Variants in CACNA1C observed in about 807,000 individuals in gnomAD.
The protein encoded by CACNA1C is calcium voltage-gated channel subunit alpha1 C, also known as voltage-dependent L-type calcium channel subunit alpha-1C.
CACNA1C carries 30 observed loss-of-function variants against 229.0 expected under a neutral mutation model. The ratio of observed to expected loss-of-function variants is 0.13; its 90% CI spans 0.10 to 0.18. The LOEUF (loss-of-function observed/expected upper bound fraction) is 0.18. Among genes scored for constraint, CACNA1C ranks in the 10% least tolerant of loss-of-function variants. CACNA1C has a pLI of 1.00. For synonymous variants in CACNA1C, 1,114 were observed against 1,132.5 expected, an observed-to-expected ratio of 0.98 and a Z score of 0.33; for missense variants, 1,658 against 2,845.0, an observed-to-expected ratio of 0.58 and a Z score of 9.49.
rs115125786 is a variant in CACNA1C at position 2,690,820 on chromosome 12, G to A, written c.6118-80G>A. The A allele has an allele frequency of 4.6e-5, 63 of 1,374,210 alleles. No individual in the cohort carries two copies. In the African/African-American group the frequency reaches 6.7e-4, roughly 15 times the overall value. 85.1% of individuals were successfully genotyped at this position (1,374,210 alleles called of 1,614,324 possible). A position where few individuals can be genotyped will look rare whatever the true frequency, so the allele number is the denominator to read the frequency against. On this transcript the variant is annotated intron_variant, in intron 46 of 46. Coordinates refer to ENST00000399655, the MANE Select transcript of CACNA1C (RefSeq NM_000719.7). ...CAAGTGACCTACCAGATACCCCCTC[G>A]CTCTAGCCCTCAAGGGAAGAGCTGG...
intron 3 of CACNA1C, among the ~76,000 whole-genome samples, chr12:2,365,706 G>A (rs1203456336): frequency 6.6e-6 from 1 of 152,200 alleles, no homozygotes; most frequent in Non-Finnish European, 1.5e-5. Flanking sequence ...AATTTAACAT[G>A]ACAGGAGACC....
chr12:2,581,866 G>A, intron 14 of CACNA1C, 69 bp downstream of exon 14: 2 of 971,296 alleles, frequency 2.1e-6, no homozygotes, highest in Non-Finnish European at 3.2e-6. Flanking sequence ...GAGGAGTGTG[G>A]GAAGCTGCAC....
At chr12:2,254,284 G>A (rs1298074515) in intron 3 of CACNA1C, among the ~76,000 whole-genome samples, 1 of 152,044 alleles carries the variant, frequency 6.6e-6, no homozygotes, top group Non-Finnish European at 1.5e-5. Flanking sequence ...AGCCTCAAAC[G>A]ACCCCAGACT....
intron 3 of CACNA1C, among the ~76,000 whole-genome samples, chr12:2,256,309 C>A (rs1446126077): frequency 6.6e-6 from 1 of 152,158 alleles, no homozygotes; most frequent in South Asian, 2.1e-4. Context: ...TAATCAGTCA[C>A]CTTGGGCACA....
At chr12:2,413,295 G>C (rs563985153) in intron 3 of CACNA1C, among the ~76,000 whole-genome samples, 2 of 152,346 alleles carry the variant, frequency 1.3e-5, no homozygotes, top group East Asian at 3.9e-4. Flanking sequence ...GGGATTACAG[G>C]CGTGAGCCAC....
chr12:2,429,814 T>G (rs1458775224), intron 3 of CACNA1C, among the ~76,000 whole-genome samples: 1 of 152,178 alleles, frequency 6.6e-6, no homozygotes, highest in Non-Finnish European at 1.5e-5. Context: ...CCACCCATCT[T>G]AGGTGATGAG....
intron 3 of CACNA1C, among the ~76,000 whole-genome samples, chr12:2,122,957 T>C (rs747143950): frequency 1.5e-4 from 23 of 152,226 alleles, no homozygotes; most frequent in Non-Finnish European, 2.9e-4. Flanking sequence ...GGTCTGGGGA[T>C]GCGCATCAAA....
chr12:2,067,016 G>C lies in CACNA1C; in HGVS notation c.49+13405G>C, dbSNP rs1303660910. Among the ~76,000 whole-genome samples the C allele has an allele frequency of 4.6e-5, 7 of 152,166 alleles. No homozygotes were observed. Among genetic ancestry groups the C allele is most frequent in the Non-Finnish European group, 1.0e-4 (7 of 68,016 alleles). On this transcript the variant is annotated intron_variant, in intron 1 of 46. Coordinates refer to ENST00000399655, the MANE Select transcript of CACNA1C (RefSeq NM_000719.7). This position sits in a 1 kb window ranked among gnomAD's most constrained non-coding sequence, Gnocchi z 5.3. ...AATCCACAAGGGTGCCCAGGTCCCAGAGGCACCGGCCGAGGTCTGGAAGCA... is the reference window on the plus strand; with the variant it reads ...AATCCACAAGGGTGCCCAGGTCCCACAGGCACCGGCCGAGGTCTGGAAGCA...
chr12:2,053,578 A>G lies in CACNA1C; in HGVS notation c.16A>G (p.Thr6Ala). The change falls in exon 1 of 47, where the codon ACG (threonine) becomes GCG (alanine). Residue 6 changes from threonine to alanine, a missense_variant. Physicochemically the swap from Thr to Ala is moderately conservative, Grantham distance 58 (BLOSUM62 0). Around this residue, in one of 20 missense-constraint regions of CACNA1C, gnomAD observed 111 missense variants for 128.0 expected, o/e 0.87. Coordinates refer to ENST00000399655, the MANE Select transcript of CACNA1C (RefSeq NM_000719.7). This position sits in a 1 kb window ranked among gnomAD's most constrained non-coding sequence, Gnocchi z 5.8. ...TTTTTGGTCCATGGTCAATGAGAATACGAGGATGTACATTCCAGAGGAAAA... is the reference window on the plus strand; with the variant it reads ...TTTTTGGTCCATGGTCAATGAGAATGCGAGGATGTACATTCCAGAGGAAAA... Reference protein sequence around the residue: MVNENTRMYIPEENHQ... With the variant: MVNENARMYIPEENHQ... The G allele has an allele frequency of 6.2e-6, 10 of 1,600,682 alleles. No individual in the cohort carries two copies. Among genetic ancestry groups the G allele is most frequent in the Non-Finnish European group, 8.5e-6 (10 of 1,173,666 alleles).
chr12:2,159,798 T>C (rs11062135), intron 3 of CACNA1C, among the ~76,000 whole-genome samples: 8,347 of 152,206 alleles, frequency 0.055, 699 homozygotes, highest in African/African-American at 0.18. Flanking sequence ...GAGACGGGGT[T>C]TCACCATGTT....
In CACNA1C at chr12:2,053,332, G is replaced by C; in HGVS notation, c.-231G>C. The C allele has an allele frequency of 7.7e-7, 1 of 1,293,448 alleles. No individual in the cohort carries two copies. The highest frequency in any genetic ancestry group is 9.8e-7 in the Non-Finnish European group (1 of 1,018,502). 80.1% of individuals were successfully genotyped at this position (1,293,448 alleles called of 1,614,324 possible). ...CCGGATGTACTGAGGATGCGTTACA[G>C]TTTCACTCGAGGAGGCAGTAGTGGA... On this transcript the variant is annotated 5_prime_UTR_variant, in exon 1 of 47. Coordinates refer to ENST00000399655, the MANE Select transcript of CACNA1C (RefSeq NM_000719.7). The surrounding 1 kb of genome is among the most constrained non-coding windows in gnomAD (Gnocchi z 5.8).
chr12:2,560,668 G>T (rs1232415261), intron 11 of CACNA1C, among the ~76,000 whole-genome samples: 1 of 152,048 alleles, frequency 6.6e-6, no homozygotes, highest in Admixed American at 6.6e-5. Context: ...AAATTGGGAG[G>T]ACTAGCTTGC....
intron 3 of CACNA1C, among the ~76,000 whole-genome samples, chr12:2,326,367 C>G (rs554982914): frequency 6.6e-6 from 1 of 152,178 alleles, no homozygotes; most frequent in Non-Finnish European, 1.5e-5. Flanking sequence ...TTCAATAAGT[C>G]TAAACTAGGG....
At chr12:2,397,115 T>C (rs1406755198) in intron 3 of CACNA1C, among the ~76,000 whole-genome samples, 2 of 152,220 alleles carry the variant, frequency 1.3e-5, no homozygotes, top group African/African-American at 4.8e-5. Context: ...GTGCTTAGAA[T>C]TGCAAGGTAT....
chr12:2,052,546 C>CG (rs550811223), upstream of CACNA1C, among the ~76,000 whole-genome samples: 2 of 149,562 alleles, frequency 1.3e-5, no homozygotes, highest in South Asian at 2.1e-4. Context: ...AGAACGCGGG[C>CG]GGGGGGCTGC....
chr12:2,547,233 T>G (rs1287235762), intron 9 of CACNA1C, among the ~76,000 whole-genome samples: 1 of 152,224 alleles, frequency 6.6e-6, no homozygotes, highest in South Asian at 2.1e-4. Context: ...TGTTTTGTGA[T>G]GTTAATTCAT....
intron 1 of CACNA1C, among the ~76,000 whole-genome samples, chr12:2,009,113 T>C (rs1052623631): frequency 1.3e-5 from 2 of 152,232 alleles, no homozygotes; most frequent in Admixed American, 6.5e-5. Flanking sequence ...CTCATGATGA[T>C]ACCTTGGACA....
chr12:2,091,080 G>C (rs894015332), intron 1 of CACNA1C, among the ~76,000 whole-genome samples: 2 of 152,136 alleles, frequency 1.3e-5, no homozygotes, highest in African/African-American at 2.4e-5. Flanking sequence ...TTCTCTTTCT[G>C]CTCTGCCCAT....
intron 15 of CACNA1C, 54 bp from the exon 16 acceptor site, chr12:2,584,449 G>A: frequency 7.6e-7 from 1 of 1,322,214 alleles, no homozygotes; most frequent in Admixed American, 1.7e-5. Context: ...GTGCCCCTGT[G>A]CCCACCAAAA....
Sources: allele counts gnomAD v4.1 joint callset (sites outside exome capture counted in the v4.1 genomes callset), GRCh38; gene constraint gnomAD v4.1.1; regional missense constraint gnomAD v4.1.1; non-coding constraint Gnocchi (gnomAD v3.1); transcripts MANE v1.5; gene names NCBI Gene and HGNC (gene_info 2026-07-23, HGNC 2026-07-21).